The following PCDH9 variants were observed in gnomAD, a reference collection of about 807,000 sequenced individuals.
The protein encoded by PCDH9 is protocadherin-9.
In PCDH9, 24 loss-of-function variants were observed where a neutral mutation model predicts 70.6. The ratio of observed to expected loss-of-function variants is 0.34; its 90% confidence interval spans 0.25 to 0.48. The LOEUF is 0.48. Among genes scored for constraint, PCDH9 ranks in the 20% least tolerant of loss-of-function variants. The pLI, the probability that PCDH9 is intolerant of heterozygous loss-of-function variation, is 0.99. For synonymous variants in PCDH9, 562 were observed against 558.5 expected (o/e 1.01, Z -0.09); for missense variants, 1,281 against 1,503.6 (o/e 0.85, Z 2.45).
chr13:66,485,458 A>ACC (rs1377716925), intron 4 of PCDH9, among the ~76,000 whole-genome samples: 3 of 152,208 alleles, frequency 2.0e-5, no homozygotes, highest in Non-Finnish European at 2.9e-5. Context: ...TCATGTATAT[A>ACC]CCTACATCAG....
intron 3 of PCDH9, among the ~76,000 whole-genome samples, chr13:66,869,320 G>A (rs937164339): frequency 6.6e-6 from 1 of 152,010 alleles, no homozygotes; most frequent in Non-Finnish European, 1.5e-5. Flanking sequence ...GTCAAAACTG[G>A]CATTTCTTGA....
intron 4 of PCDH9, among the ~76,000 whole-genome samples, chr13:66,398,970 G>T (rs1160118138): frequency 6.6e-6 from 1 of 152,110 alleles, no homozygotes; most frequent in East Asian, 1.9e-4. Context: ...TGTGCAGGGG[G>T]AAAAAGCTTT....
chr13:66,513,198 T>TG (rs1211115508), intron 4 of PCDH9, among the ~76,000 whole-genome samples: 2 of 151,096 alleles, frequency 1.3e-5, no homozygotes, highest in South Asian at 4.2e-4. Context: ...ACACGTGTTT[T>TG]TTTTTTTTTT....
intron 3 of PCDH9, among the ~76,000 whole-genome samples, chr13:66,828,527 A>C (rs1198559299): frequency 2.0e-5 from 3 of 152,152 alleles, no homozygotes; most frequent in Non-Finnish European, 4.4e-5. Context: ...GGCATCTATA[A>C]ACAATACTGC....
At chr13:67,117,037 G>A (rs1401840793) in intron 2 of PCDH9, among the ~76,000 whole-genome samples, 1 of 152,000 alleles carries the variant, frequency 6.6e-6, no homozygotes, top group Admixed American at 6.6e-5. Flanking sequence ...TGAGCTTTAA[G>A]GATATATTCT....
chr13:67,220,611 T>G (rs1449068082), intron 2 of PCDH9: 1 of 152,082 alleles, frequency 6.6e-6, no homozygotes, highest in East Asian at 1.9e-4. Context: ...AAGCCTGCCC[T>G]GTCTCACCAT....
At chr13:66,624,646 AG>A (rs1450997407) in intron 4 of PCDH9, among the ~76,000 whole-genome samples, 1 of 152,232 alleles carries the variant, frequency 6.6e-6, no homozygotes, top group African/African-American at 2.4e-5. Context: ...TTTACTTAAA[AG>A]GTCTTTAATG....
chr13:66,342,499 C>T (rs1198293063), intron 4 of PCDH9, among the ~76,000 whole-genome samples: 1 of 152,144 alleles, frequency 6.6e-6, no homozygotes, highest in East Asian at 1.9e-4. Context: ...TAATATTCTC[C>T]TTTTACCAAT....
chr13:66,973,251 A>G (rs530306448), intron 2 of PCDH9, among the ~76,000 whole-genome samples: 3 of 152,140 alleles, frequency 2.0e-5, no homozygotes, highest in African/African-American at 7.2e-5. Flanking sequence ...CACCAGCCAT[A>G]TACTGAACAC....
At chr13:66,419,870 C>T (rs1348241046) in intron 4 of PCDH9, among the ~76,000 whole-genome samples, 1 of 151,762 alleles carries the variant, frequency 6.6e-6, no homozygotes, top group East Asian at 2.0e-4. Flanking sequence ...GCCAAGTGGT[C>T]TGGCTCAGCA....
chr13:67,041,758 G>A (rs984708375), intron 2 of PCDH9, among the ~76,000 whole-genome samples: 19 of 151,028 alleles, frequency 1.3e-4, no homozygotes, highest in Non-Finnish European at 2.4e-4. Flanking sequence ...GTGAACCCAG[G>A]AGTCAGAGCT....
intron 3 of PCDH9, among the ~76,000 whole-genome samples, chr13:66,673,269 T>G (rs796655448): frequency 4.6e-5 from 7 of 152,210 alleles, no homozygotes; most frequent in African/African-American, 1.7e-4. Flanking sequence ...AAAGGGCAGT[T>G]CCCCTGCACA....
chr13:67,039,811 A>G (rs573783327), intron 2 of PCDH9, among the ~76,000 whole-genome samples: 1 of 152,186 alleles, frequency 6.6e-6, no homozygotes, highest in Admixed American at 6.5e-5. Context: ...GAAGTTGAAC[A>G]AAAGTGTGGG....
intron 4 of PCDH9, among the ~76,000 whole-genome samples, chr13:66,374,559 A>T (rs1956716565): frequency 6.6e-6 from 1 of 151,930 alleles, no homozygotes; most frequent in South Asian, 2.1e-4. Context: ...ATAGACTTAT[A>T]TTTTCATTTT....
chr13:66,695,665 T>C (rs2078552880), intron 3 of PCDH9, among the ~76,000 whole-genome samples: 1 of 152,164 alleles, frequency 6.6e-6, no homozygotes, highest in Non-Finnish European at 1.5e-5. Flanking sequence ...TTTTCCTAAC[T>C]GTATCCTGAA....
At chr13:66,932,681 T>TATATATATATATATATATATATATAC (rs1313632174) in intron 2 of PCDH9, among the ~76,000 whole-genome samples, 53 of 114,778 alleles carry the variant, frequency 4.6e-4, no homozygotes, top group African/African-American at 1.4e-3. Context: ...TATATATATA[T>TATATATATATATATATATATATATAC]ACACACACAC....
intron 3 of PCDH9, among the ~76,000 whole-genome samples, chr13:66,659,755 C>T (rs2077983097): frequency 6.6e-6 from 1 of 151,800 alleles, no homozygotes; most frequent in Admixed American, 6.6e-5. Flanking sequence ...CTGTTCTCAA[C>T]TTAACTCCAC....
At position 66,626,300 on chromosome 13, in the gene PCDH9, G is replaced by C. The variant is rs898548713; in HGVS notation, c.3340+4910C>G. Among the ~76,000 whole-genome samples, 15 of 152,294 alleles carry C rather than the reference G, an allele frequency of 9.8e-5. No homozygotes were observed. The South Asian group carries it at 3.1e-3, about 32-fold the overall frequency. On this transcript the variant is annotated intron_variant, in intron 4 of 4. Coordinates refer to ENST00000377865, the MANE Select transcript of PCDH9 (RefSeq NM_203487.3). ...AGGATAAAGACTAGAAAGTCCTTGAGGCTAGATTACATCGTAGAGTCCAGG... is the reference window on the plus strand; with the variant it reads ...AGGATAAAGACTAGAAAGTCCTTGACGCTAGATTACATCGTAGAGTCCAGG...
At chr13:66,489,176 A>T (rs199725417) in intron 4 of PCDH9, among the ~76,000 whole-genome samples, 2,056 of 152,246 alleles carry the variant, frequency 0.014, 32 homozygotes, top group East Asian at 0.04. Context: ...ATTAGCCATT[A>T]TGTTTCTATT....
Sources: allele counts gnomAD v4.1 joint callset (sites outside exome capture counted in the v4.1 genomes callset), GRCh38; gene constraint gnomAD v4.1.1; transcripts MANE v1.5; gene names NCBI Gene and HGNC (gene_info 2026-07-23, HGNC 2026-07-21).